TRPC6: variants seen among roughly 807,000 people sequenced by gnomAD.
TRPC6 encodes transient receptor potential cation channel subfamily C member 6, also known as short transient receptor potential channel 6.
Under a neutral mutation model 90.7 loss-of-function variants are expected in TRPC6, and 55 were observed. That is an observed-to-expected ratio of 0.61 (90% CI 0.49 to 0.76). The LOEUF (loss-of-function observed/expected upper bound fraction) is 0.76, where lower values mean the gene tolerates loss of function less well. Among genes scored for constraint, TRPC6 ranks in the 30% least tolerant of loss-of-function variants. TRPC6 has a pLI of 0.00. For synonymous variants in TRPC6, 393 were observed against 393.0 expected (o/e 1.00, Z 0.00); for missense variants, 989 against 1,122.7 (o/e 0.88, Z 1.70).
intron 1 of TRPC6, among the ~76,000 whole-genome samples, chr11:101,510,046 A>G (rs1860362869): frequency 6.6e-6 from 1 of 152,176 alleles, no homozygotes; most frequent in South Asian, 2.1e-4. Context: ...CATGAGTAGT[A>G]AGACACAGTA....
chr11:101,583,220 G>A (rs1465705945), intron 1 of TRPC6, 114 bp downstream of exon 1: 9 of 1,470,896 alleles, frequency 6.1e-6, no homozygotes, highest in African/African-American at 1.4e-5. Flanking sequence ...CACCGTCCTA[G>A]GAGGTACACA....
chr11:101,455,079 C>T lies in TRPC6; in HGVS notation c.2507G>A (p.Ser836Asn). ...KKQVGHNKQPSIRSSEDFHLN... is the reference protein window; with the variant it reads ...KKQVGHNKQPNIRSSEDFHLN... ...ATGGAAATCTTCTGAGCTCCTTATA[C>T]TTGGTTGTTTATTGTGCCCAACCTG... The change falls in exon 11 of 13, where the codon AGT becomes AAT. Residue 836 changes from serine (S) to asparagine (N), a missense_variant. Physicochemically the swap from Ser to Asn is conservative, Grantham distance 46. Coordinates refer to ENST00000344327, the MANE Select transcript of TRPC6 (RefSeq NM_004621.6). The T allele has an allele frequency of 2.5e-6, 4 of 1,612,432 alleles. No individual in the cohort carries two copies. Among genetic ancestry groups the T allele is most frequent in the Non-Finnish European group, 3.4e-6 (4 of 1,178,976 alleles).
intron 1 of TRPC6, among the ~76,000 whole-genome samples, chr11:101,537,746 C>A (rs1861085112): frequency 6.7e-6 from 1 of 148,798 alleles, no homozygotes; most frequent in Non-Finnish European, 1.5e-5. Context: ...TTTCTGCTAG[C>A]AAAAAAACAT....
At chr11:101,524,160 C>A (rs1397789666) in intron 1 of TRPC6, among the ~76,000 whole-genome samples, 2 of 152,190 alleles carry the variant, frequency 1.3e-5, no homozygotes, top group African/African-American at 4.8e-5. Context: ...CTTCCATTTT[C>A]AAATTTGGGA....
intron 1 of TRPC6, among the ~76,000 whole-genome samples, chr11:101,539,705 G>A (rs1452794671): frequency 5.9e-5 from 9 of 152,080 alleles, no homozygotes; most frequent in Non-Finnish European, 2.9e-5. Context: ...TAGAAAAATT[G>A]CTCATAAATA....
At position 101,491,833 on chromosome 11, in the gene TRPC6, A is replaced by ATTTTTTTTTTTTTTTT. The variant is rs200869151; in HGVS notation, c.946-96_946-95insAAAAAAAAAAAAAAAA. The ATTTTTTTTTTTTTTTT allele has an allele frequency of 5.0e-4, 392 of 782,138 alleles. 56 individuals carry two copies. The African/African-American group carries it at 0.01, about 21-fold the overall frequency. 48.4% of individuals were successfully genotyped at this position (782,138 alleles called of 1,614,324 possible). ...AAGGATTTTATACTTTAAGAGAAAC[A>ATTTTTTTTTTTTTTTT]TTCTTTTTTTTTTTTTTTTTTTTTT... On this transcript the variant is annotated intron_variant, in intron 2 of 12. Transcript: ENST00000344327.
At chr11:101,454,043 G>T (rs1591518589) in intron 11 of TRPC6, among the ~76,000 whole-genome samples, 1 of 152,112 alleles carries the variant, frequency 6.6e-6, no homozygotes, top group Non-Finnish European at 1.5e-5. Context: ...TTTCAGTGGG[G>T]TAGGTAAAAG....
At position 101,473,562 on chromosome 11, in the gene TRPC6, C is replaced by T. The variant is rs1565207722; in HGVS notation, c.1956G>A (p.Met652Ile). The T allele has an allele frequency of 6.2e-7, 1 of 1,613,488 alleles. No individual in the cohort carries two copies. Residue 652 changes from methionine (M) to isoleucine (I), a missense_variant, in exon 7 of 13, where the codon ATG becomes ATA. Physicochemically the swap from Met to Ile is conservative, Grantham distance 10. Around this residue, in one of 4 missense-constraint regions of TRPC6, gnomAD observed 118 missense variants for 197.6 expected, o/e 0.60. Coordinates refer to ENST00000344327, the MANE Select transcript of TRPC6 (RefSeq NM_004621.6). ...CAATGTAGTAGGAGTAGAGATTGAA[C>T]ATTCCAATCATAAAGGCCACAAACA... Reference protein sequence around the residue: ...IMVFVAFMIGMFNLYSYYIGA... With the variant: ...IMVFVAFMIGIFNLYSYYIGA...
At chr11:101,541,305 T>C (rs1273338236) in intron 1 of TRPC6, among the ~76,000 whole-genome samples, 1 of 152,176 alleles carries the variant, frequency 6.6e-6, no homozygotes, top group Non-Finnish European at 1.5e-5. Context: ...TTTGACAAAA[T>C]GGAGTAGAAG....
At chr11:101,550,623 G>C (rs987890167) in intron 1 of TRPC6, among the ~76,000 whole-genome samples, 32 of 151,628 alleles carry the variant, frequency 2.1e-4, no homozygotes, top group Middle Eastern at 3.5e-3. Context: ...AATAAATAAG[G>C]ATAAAGGGCA....
Position 101,453,027 on chromosome 11 carries a change from G to T in TRPC6, c.2724C>A (p.Asp908Glu), listed in dbSNP as rs780180941. Residue 908 changes from aspartate to glutamate, a missense_variant, in exon 13 of 13, where the codon GAC becomes GAA. By Grantham distance (45) the Asp-to-Glu change is conservative. Transcript: ENST00000344327. ...LLEEKSQNTE[D>E]LAELIRELGE... Reference sequence around the variant, plus strand: ...CAAGTTCTCTAATAAGTTCTGCTAGGTCTTCTGTATTCTGAGATTTTTCTT... The same window carrying T: ...CAAGTTCTCTAATAAGTTCTGCTAGTTCTTCTGTATTCTGAGATTTTTCTT... 1 of 1,613,730 alleles carries T rather than the reference G, an allele frequency of 6.2e-7. No homozygotes were observed. Among genetic ancestry groups the T allele is most frequent in the Admixed American group, 1.7e-5 (1 of 59,974 alleles).
At chr11:101,555,976 G>A (rs912058901) in intron 1 of TRPC6, among the ~76,000 whole-genome samples, 1 of 152,102 alleles carries the variant, frequency 6.6e-6, no homozygotes. Context: ...CAACCAATGG[G>A]TGAATGGAAG....
chr11:101,474,909 C>T (rs1391953164), intron 6 of TRPC6, among the ~76,000 whole-genome samples: 3 of 152,272 alleles, frequency 2.0e-5, no homozygotes, highest in East Asian at 1.9e-4. Context: ...ATAGTTAGCT[C>T]GGCATTACCT....
chr11:101,526,221 C>A (rs574880188), intron 1 of TRPC6, among the ~76,000 whole-genome samples: 17 of 152,160 alleles, frequency 1.1e-4, no homozygotes, highest in Admixed American at 5.2e-4. Context: ...TGATGCAGAC[C>A]CCTCTAATGA....
chr11:101,579,816 G>T (rs1388575075), intron 1 of TRPC6, among the ~76,000 whole-genome samples: 1 of 152,102 alleles, frequency 6.6e-6, no homozygotes, highest in African/African-American at 2.4e-5. Context: ...CTCAGTTCCA[G>T]CTCTCTGCCT....
chr11:101,489,381 TTAATC>T lies in TRPC6; in HGVS notation c.1129-285_1129-281del, dbSNP rs10611884. ...ATTTTAATTGAATATTATAAAAAGA[TTAATC>T]TAAATTTTACATACGGCTTTTATGA... On this transcript the variant is annotated intron_variant, in intron 3 of 12. Transcript: ENST00000344327. Among the ~76,000 whole-genome samples, 52,624 of 151,712 alleles carry T rather than the reference TTAATC, an allele frequency of 0.35. 10,432 individuals carry two copies. Among genetic ancestry groups the T allele is most frequent in the African/African-American group, 0.55 (22,522 of 41,294 alleles).
intron 1 of TRPC6, among the ~76,000 whole-genome samples, chr11:101,543,884 G>C (rs1194948835): frequency 6.6e-6 from 1 of 152,144 alleles, no homozygotes; most frequent in East Asian, 1.9e-4. Context: ...AAACACAAAT[G>C]CGATCTAATT....
At chr11:101,505,251 AC>A (rs1860232826) in intron 1 of TRPC6, among the ~76,000 whole-genome samples, 1 of 152,204 alleles carries the variant, frequency 6.6e-6, no homozygotes, top group Non-Finnish European at 1.5e-5. Context: ...AGGTCTAGGA[AC>A]TATATTCGGT....
At position 101,504,678 on chromosome 11, in the gene TRPC6, T is replaced by C. The variant is rs758125766; in HGVS notation, c.291A>G (p.Ile97Met). The change falls in exon 2 of 13, where the codon ATA becomes ATG. Residue 97 changes from isoleucine (I) to methionine (M), a missense_variant. Around this residue, in one of 4 missense-constraint regions of TRPC6, gnomAD observed 194 missense variants for 136.5 expected, o/e 1.42. Transcript: ENST00000344327. ...MFSDRSTSLS[I>M]EEERFLDAAE... ...CTGCATCCAAAAAGCGTTCCTCCTC[T>C]ATAGATAGGCTTGTGGAGCGATCAC... The C allele has an allele frequency of 1.2e-6, 2 of 1,601,750 alleles. No individual in the cohort carries two copies. Among genetic ancestry groups the C allele is most frequent in the South Asian group, 2.2e-5 (2 of 89,310 alleles).
Sources: allele counts gnomAD v4.1 joint callset (sites outside exome capture counted in the v4.1 genomes callset), GRCh38; gene constraint gnomAD v4.1.1; regional missense constraint gnomAD v4.1.1; transcripts MANE v1.5; gene names NCBI Gene and HGNC (gene_info 2026-07-23, HGNC 2026-07-21).